CUX1: variants seen among roughly 807,000 people sequenced by gnomAD.
The protein encoded by CUX1 is cut like homeobox 1, also known as protein CASP.
CUX1 carries 31 observed loss-of-function variants against 158.8 expected under a neutral mutation model. The ratio of observed to expected loss-of-function variants is 0.20; its 90% CI spans 0.15 to 0.26. The LOEUF is 0.26. Ranked by LOEUF, CUX1 falls within the 10% of genes least tolerant of loss-of-function variation. The probability of loss-of-function intolerance (pLI) is 1.00; values close to 1 mark genes in which losing one functional copy is unlikely to be tolerated. For missense variants in CUX1, 1,589 were observed against 2,014.6 expected (o/e 0.79, Z 4.04); for synonymous variants, 879 against 862.1 (o/e 1.02, Z -0.34).
At chr7:102,273,157 C>T (rs1203743729) in intron 14 of CUX1, among the ~76,000 whole-genome samples, 1 of 152,198 alleles carries the variant, frequency 6.6e-6, no homozygotes, top group Non-Finnish European at 1.5e-5. Flanking sequence ...GCCAGGAGTG[C>T]CTCTGACAGT....
Position 101,941,107 on chromosome 7 carries a change from CTG to C in CUX1, c.141+24883_141+24884del, listed in dbSNP as rs565819963. 7.9e-5 allele frequency among the ~76,000 whole-genome samples: 12 copies of C among 152,354 alleles called. No homozygotes were observed. In the East Asian group the frequency reaches 2.3e-3, roughly 29 times the overall value. ...AAAGCTGGGGCATGTTGTCGCCAAT[CTG>C]AGCTTGTTTCCATGGACGCAGCCAG... is the stretch of plus-strand genomic sequence containing the variant. On this transcript the variant is annotated intron_variant, in intron 2 of 23. Transcript: ENST00000292535.
At chr7:101,897,273 C>T (rs1801619643) in intron 1 of CUX1, among the ~76,000 whole-genome samples, 1 of 152,096 alleles carries the variant, frequency 6.6e-6, no homozygotes, top group African/African-American at 2.4e-5. Context: ...CTCAGCCACC[C>T]CTGGGTGTGT....
At position 102,248,551 on chromosome 7, in the gene CUX1, G is replaced by A; in HGVS notation, c.4027G>A (p.Ala1343Thr). 6.7e-7 allele frequency: 1 copy of A among 1,500,256 alleles called. No homozygotes were observed. Among genetic ancestry groups the A allele is most frequent in the Non-Finnish European group, 8.9e-7 (1 of 1,128,948 alleles). 92.9% of individuals were successfully genotyped at this position (1,500,256 alleles called of 1,614,324 possible). A position where few individuals can be genotyped will look rare whatever the true frequency, so the allele number is the denominator to read the frequency against. Residue 1343 changes from alanine (A) to threonine (T), a missense_variant, in exon 24 of 24, where the codon GCC (alanine) becomes ACC (threonine). This residue lies in a region of CUX1 where 344 missense variants were observed against 323.7 expected (regional missense o/e 1.06). Coordinates refer to ENST00000292535, the MANE Select transcript of CUX1 (RefSeq NM_181552.4). This position sits in a 1 kb window ranked among gnomAD's most constrained non-coding sequence, Gnocchi z 5.8. ...SEGDSCDGVE[A>T]TEGPGSADTE... ...GGGCGACAGCTGCGACGGCGTGGAG[G>A]CCACTGAGGGCCCAGGCAGCGCCGA...
Position 102,092,214 on chromosome 7 carries a change from G to A in CUX1, c.269-5150G>A, listed in dbSNP as rs181447869. On this transcript the variant is annotated intron_variant, in intron 4 of 23. Transcript: ENST00000292535. ...ATTTTTCTTAAAATCCTTGTGCACA[G>A]GCTCCCTCTCCCAGATCTCTTTTCC... Among the ~76,000 whole-genome samples, 3 of 152,212 alleles carry A rather than the reference G, an allele frequency of 2.0e-5. No homozygotes were observed. The East Asian group carries it at 5.8e-4, about 29-fold the overall frequency.
intron 3 of CUX1, among the ~76,000 whole-genome samples, chr7:102,062,781 G>A (rs546518707): frequency 2.6e-5 from 4 of 152,102 alleles, no homozygotes; most frequent in South Asian, 2.1e-4. Flanking sequence ...GATTATAGGC[G>A]TGAGCCACTG....
intron 4 of CUX1, among the ~76,000 whole-genome samples, chr7:102,086,440 G>A (rs547913808): frequency 3.3e-5 from 5 of 152,084 alleles, no homozygotes; most frequent in African/African-American, 9.6e-5. Context: ...TTCTCATCCT[G>A]TACATCGATG....
rs1280343008 is a variant in CUX1 at position 102,201,859 on chromosome 7, C to T, written c.2562C>T (p.Ser854=). ...EETGGGKEKG[S]GGSGGGSQPR... ...CGGGCGGCGGGAAAGAGAAGGGCAGCGGTGGCAGCGGAGGTGGCAGCCAGC... is the reference window on the plus strand; with the variant it reads ...CGGGCGGCGGGAAAGAGAAGGGCAGTGGTGGCAGCGGAGGTGGCAGCCAGC... The change falls in exon 18 of 24, where the codon AGC becomes AGT. Residue 854 remains serine, a synonymous_variant. Coordinates refer to ENST00000292535, the MANE Select transcript of CUX1 (RefSeq NM_181552.4). The surrounding 1 kb of genome is among the most constrained non-coding windows in gnomAD (Gnocchi z 5.0). 5.6e-6 allele frequency: 9 copies of T among 1,613,066 alleles called. No individual in the cohort carries two copies. The highest frequency in any genetic ancestry group is 6.8e-6 in the Non-Finnish European group (8 of 1,179,868).
upstream of CUX1, among the ~76,000 whole-genome samples, chr7:101,816,423 G>T (rs1301763604): frequency 2.1e-5 from 3 of 139,758 alleles, no homozygotes; most frequent in African/African-American, 5.1e-5. Context: ...GCCGCCGCCA[G>T]CGCCGCCGCC....
At chr7:101,855,287 A>G (rs1796648704) in intron 1 of CUX1, among the ~76,000 whole-genome samples, 1 of 152,142 alleles carries the variant, frequency 6.6e-6, no homozygotes, top group Non-Finnish European at 1.5e-5. Flanking sequence ...TAGCCCTTCC[A>G]GTTGCTGGTC....
At chr7:101,867,148 C>T (rs774010153) in intron 1 of CUX1, among the ~76,000 whole-genome samples, 3 of 151,858 alleles carry the variant, frequency 2.0e-5, no homozygotes, top group Non-Finnish European at 4.4e-5. Flanking sequence ...ACCTCGGAGG[C>T]GGAGGCTGCA....
chr7:101,946,930 G>A (rs1445625019), intron 2 of CUX1, among the ~76,000 whole-genome samples: 3 of 152,136 alleles, frequency 2.0e-5, no homozygotes, highest in African/African-American at 4.8e-5. Flanking sequence ...TGAGCTCGGC[G>A]GTGAGAAAAC....
intron 14 of CUX1, among the ~76,000 whole-genome samples, chr7:102,267,267 C>T (rs1790880577): frequency 6.6e-6 from 1 of 152,150 alleles, no homozygotes; most frequent in Non-Finnish European, 1.5e-5. Flanking sequence ...GGGCATGTGG[C>T]TCATGCCTGT....
chr7:101,858,018 G>C (rs1797064669), intron 1 of CUX1, among the ~76,000 whole-genome samples: 1 of 152,206 alleles, frequency 6.6e-6, no homozygotes, highest in South Asian at 2.1e-4. Context: ...AGCTCCTCGG[G>C]AGGCTGAGGC....
chr7:101,836,672 G>A (rs1794664987), intron 1 of CUX1, among the ~76,000 whole-genome samples: 1 of 126,292 alleles, frequency 7.9e-6, no homozygotes, highest in African/African-American at 3.2e-5. Context: ...TGAGAGCAGC[G>A]AGACTCCTTC....
intron 4 of CUX1, among the ~76,000 whole-genome samples, chr7:102,084,436 T>C (rs1227517823): frequency 4.0e-5 from 5 of 126,546 alleles, no homozygotes; most frequent in African/African-American, 1.0e-4. Flanking sequence ...TCTTTTTTTT[T>C]TTTTTGAGAC....
At chr7:102,018,745 TGCGTGC>T (rs1818981376) in intron 2 of CUX1, among the ~76,000 whole-genome samples, 1 of 152,110 alleles carries the variant, frequency 6.6e-6, no homozygotes, top group Admixed American at 6.6e-5. Flanking sequence ...AGTGCGTGCG[TGCGTGC>T]GTGCGCTGTA....
In CUX1 at chr7:102,227,569, C is replaced by T; in HGVS notation, c.3333C>T (p.His1111=). 3 of 1,614,206 alleles carry T rather than the reference C, an allele frequency of 1.9e-6. No homozygotes were observed. Among genetic ancestry groups the T allele is most frequent in the Non-Finnish European group, 2.5e-6 (3 of 1,180,056 alleles). The change falls in exon 21 of 24, where the codon CAC becomes CAT. Residue 1111 remains histidine, a synonymous_variant. Transcript: ENST00000292535. ...CAACCCCGCTGCCTCTCTCCGGACA[C>T]TCGGCCCTCAGCATCCAAGAATTAG... ...QPTTPLPLSG[H]SALSIQELVA...
At chr7:101,871,321 CTT>C (rs34207946) in intron 1 of CUX1, among the ~76,000 whole-genome samples, 2 of 146,816 alleles carry the variant, frequency 1.4e-5, no homozygotes, top group Admixed American at 6.8e-5. Context: ...AAAAAAAAGC[CTT>C]TTTTTTTTTT....
At chr7:101,877,242 C>T (rs963898015) in intron 1 of CUX1, among the ~76,000 whole-genome samples, 2 of 152,208 alleles carry the variant, frequency 1.3e-5, no homozygotes, top group Non-Finnish European at 2.9e-5. Flanking sequence ...CTCCTATCTG[C>T]CTACCTCCCC....
Sources: allele counts gnomAD v4.1 joint callset (sites outside exome capture counted in the v4.1 genomes callset), GRCh38; gene constraint gnomAD v4.1.1; regional missense constraint gnomAD v4.1.1; non-coding constraint Gnocchi (gnomAD v3.1); transcripts MANE v1.5; gene names NCBI Gene and HGNC (gene_info 2026-07-23, HGNC 2026-07-21).